DMC1: variants seen among roughly 807,000 people sequenced by gnomAD.
The protein encoded by DMC1 is DNA meiotic recombinase 1.
Under a neutral mutation model 50.1 loss-of-function variants are expected in DMC1, and 27 were observed. The observed-to-expected ratio is 0.54, with a 90% CI of 0.40 to 0.74. DMC1 has a LOEUF of 0.74. Among genes scored for constraint, DMC1 ranks in the 30% least tolerant of loss-of-function variants. The pLI, the probability that DMC1 is intolerant of heterozygous loss-of-function variation, is 0.00. For synonymous variants in DMC1, 148 were observed against 136.1 expected, an observed-to-expected ratio of 1.09 and a Z score of -0.61; for missense variants, 295 against 420.2, an observed-to-expected ratio of 0.70 and a Z score of 2.60.
Position 38,553,943 on chromosome 22 carries a change from G to A in DMC1, c.380-1236C>T, listed in dbSNP as rs188431976. On this transcript the variant is annotated intron_variant, in intron 6 of 13. Transcript: ENST00000216024. Reference sequence around the variant, plus strand: ...TGCACTCCAGCCTGGGCAACAGAGCGAGACTCCATCTCCAAAAAAAAAAAA... The same window carrying A: ...TGCACTCCAGCCTGGGCAACAGAGCAAGACTCCATCTCCAAAAAAAAAAAA... Among the ~76,000 whole-genome samples, 206 of 130,226 alleles carry A rather than the reference G, an allele frequency of 1.6e-3. 3 individuals are homozygous for A. In the East Asian group the frequency reaches 0.041, roughly 26 times the overall value. The allele number at this position is 130,226 out of a possible 152,430, so 85.4% of individuals were successfully genotyped here. A position where few individuals can be genotyped will look rare whatever the true frequency, so the allele number is the denominator to read the frequency against.
At chr22:38,563,921 C>T (rs375528656) in intron 4 of DMC1, among the ~76,000 whole-genome samples, 22 of 152,016 alleles carry the variant, frequency 1.4e-4, no homozygotes, top group African/African-American at 3.6e-4. Context: ...AGGATGGTCT[C>T]GATCTCCTGA....
At chr22:38,560,482 T>G (rs944917253) in intron 5 of DMC1, among the ~76,000 whole-genome samples, 24 of 151,684 alleles carry the variant, frequency 1.6e-4, no homozygotes, top group African/African-American at 5.6e-4. Flanking sequence ...TGTTTTAAAG[T>G]GACCATTCTG....
intron 3 of DMC1, 142 bp downstream of exon 3, chr22:38,567,441 G>A: frequency 4.1e-6 from 3 of 733,958 alleles, no homozygotes; most frequent in Middle Eastern, 4.6e-4. Flanking sequence ...TGAGTGAGTA[G>A]AGGCCAAGGA....
At chr22:38,533,252 G>C (rs1276181127) in intron 12 of DMC1, among the ~76,000 whole-genome samples, 1 of 151,746 alleles carries the variant, frequency 6.6e-6, no homozygotes, top group Non-Finnish European at 1.5e-5. Flanking sequence ...AAAATTAGCC[G>C]GGTGTGGTGG....
chr22:38,540,465 A>C (rs890369659), intron 8 of DMC1, among the ~76,000 whole-genome samples: 2 of 152,224 alleles, frequency 1.3e-5, no homozygotes, highest in African/African-American at 2.4e-5. Flanking sequence ...AGGAGTAATA[A>C]ACATTTTTTT....
the DMC1 span, among the ~76,000 whole-genome samples, chr22:38,510,042 G>C: frequency 1.3e-5 from 2 of 152,086 alleles, no homozygotes; most frequent in African/African-American, 4.8e-5. Context: ...ATGAAACCCC[G>C]TCTCTCCTAA....
chr22:38,530,546 G>A (rs1045380183), intron 12 of DMC1, among the ~76,000 whole-genome samples: 1 of 152,072 alleles, frequency 6.6e-6, no homozygotes, highest in Non-Finnish European at 1.5e-5. Context: ...GAGGTCCAAG[G>A]AGGCTGTGAG....
At position 38,519,709 on chromosome 22, in the gene DMC1, A is replaced by G. The variant is rs2090002597; in HGVS notation, c.*311T>C. 6.6e-6 allele frequency: 2 copies of G among 305,154 alleles called. No homozygotes were observed. Among genetic ancestry groups the G allele is most frequent in the African/African-American group, 4.3e-5 (2 of 46,152 alleles). The allele number at this position is 305,154 out of a possible 1,614,324, so 18.9% of individuals were successfully genotyped here. ...CTCCTTTCCCAACAACTAGTTTTCC[A>G]TAGGTATATATACATACACAGAGTG... On this transcript the variant is annotated 3_prime_UTR_variant, in exon 14 of 14. Coordinates refer to ENST00000216024, the MANE Select transcript of DMC1 (RefSeq NM_007068.4).
chr22:38,561,178 A>ATTT (rs75412644), intron 5 of DMC1, among the ~76,000 whole-genome samples: 6 of 141,746 alleles, frequency 4.2e-5, no homozygotes, highest in Admixed American at 1.4e-4. Context: ...CAGCTAATTA[A>ATTT]TTTTTTTTTT....
intron 6 of DMC1, among the ~76,000 whole-genome samples, chr22:38,554,333 A>G (rs937508489): frequency 1.3e-5 from 2 of 151,944 alleles, no homozygotes; most frequent in Admixed American, 6.6e-5. Flanking sequence ...ACTTTCATAG[A>G]TTAAAATCAA....
chr22:38,552,993 G>A (rs1428177575), intron 6 of DMC1, among the ~76,000 whole-genome samples: 1 of 151,366 alleles, frequency 6.6e-6, no homozygotes. Context: ...GATTACAGGT[G>A]CCTGCCACCA....
At chr22:38,544,645 G>C (rs1490218253) in intron 8 of DMC1, among the ~76,000 whole-genome samples, 1 of 123,036 alleles carries the variant, frequency 8.1e-6, no homozygotes, top group African/African-American at 3.2e-5. Flanking sequence ...TTTTTTTTTT[G>C]AGACAGAGTC....
intron 5 of DMC1, among the ~76,000 whole-genome samples, chr22:38,559,974 T>C (rs2090509548): frequency 6.6e-6 from 1 of 151,456 alleles, no homozygotes. Flanking sequence ...GCTGAGATCA[T>C]GCCACTGCAC....
chr22:38,567,330 G>A (rs1167840237), intron 3 of DMC1, among the ~76,000 whole-genome samples: 1 of 152,184 alleles, frequency 6.6e-6, no homozygotes, highest in Non-Finnish European at 1.5e-5. Flanking sequence ...ATTTATTCCA[G>A]TCGCCTGACA....
intron 6 of DMC1, among the ~76,000 whole-genome samples, chr22:38,553,422 C>T (rs1375632483): frequency 7.7e-5 from 11 of 142,140 alleles, no homozygotes; most frequent in South Asian, 2.3e-4. Context: ...GGTGTGAACT[C>T]GGGAGGCGGA....
chr22:38,532,326 T>C (rs2090162037), intron 12 of DMC1, among the ~76,000 whole-genome samples: 2 of 151,086 alleles, frequency 1.3e-5, no homozygotes, highest in African/African-American at 4.9e-5. Context: ...TTCTTTTTTT[T>C]TTTTTTTCTT....
intron 12 of DMC1, among the ~76,000 whole-genome samples, chr22:38,522,619 A>C (rs2145776264): frequency 6.6e-6 from 1 of 152,288 alleles, no homozygotes; most frequent in Non-Finnish European, 1.5e-5. Context: ...AGAAATCATC[A>C]ATAAGGGAAC....
At chr22:38,555,863 G>T (rs1446381343) in intron 5 of DMC1, among the ~76,000 whole-genome samples, 2 of 150,124 alleles carry the variant, frequency 1.3e-5, no homozygotes, top group Non-Finnish European at 3.0e-5. Flanking sequence ...ATGGAGTCTT[G>T]CTCTGTCGCC....
chr22:38,551,862 T>C (rs368825640), intron 7 of DMC1, among the ~76,000 whole-genome samples: 40 of 139,370 alleles, frequency 2.9e-4, no homozygotes, highest in Non-Finnish European at 4.6e-4. Context: ...CTTTCTTTTT[T>C]TTTTTTTTTT....
Sources: gnomAD v4.1 joint callset for allele counts (sites outside exome capture counted in the v4.1 genomes callset) on GRCh38, gnomAD v4.1.1 for gene constraint, MANE v1.5 for transcripts, NCBI Gene and HGNC (gene_info 2026-07-23, HGNC 2026-07-21) for gene names.